The following PHGDH variants were observed in gnomAD, a reference collection of about 807,000 sequenced individuals.
PHGDH encodes the protein phosphoglycerate dehydrogenase.
PHGDH carries 50 observed loss-of-function variants against 52.6 expected under a neutral mutation model. The observed-to-expected ratio is 0.95, with a 90% confidence interval of 0.76 to 1.20. The LOEUF (loss-of-function observed/expected upper bound fraction) is 1.20. Ranked by LOEUF, PHGDH falls within the 50% of genes most tolerant of loss-of-function variation. The probability of loss-of-function intolerance (pLI) is 0.00; values close to 1 mark genes in which losing one functional copy is unlikely to be tolerated. For synonymous variants in PHGDH, 271 were observed against 280.5 expected, an observed-to-expected ratio of 0.97 and a Z score of 0.34; for missense variants, 630 against 684.6, an observed-to-expected ratio of 0.92 and a Z score of 0.89.
intron 1 of PHGDH, among the ~76,000 whole-genome samples, chr1:119,719,142 T>C (rs1557966448): frequency 6.6e-6 from 1 of 152,124 alleles, no homozygotes; most frequent in Non-Finnish European, 1.5e-5. Context: ...TCAGAATACC[T>C]CCAGGTGCTC....
In PHGDH at chr1:119,723,319, A is replaced by G. The variant is rs764508655; in HGVS notation, c.291-57A>G. ...TGCACTCAAGGCTTTCTCTTGGGGAAGGAGTGGGAATACTGGGTCTGTGCC... is the reference window on the plus strand; with the variant it reads ...TGCACTCAAGGCTTTCTCTTGGGGAGGGAGTGGGAATACTGGGTCTGTGCC... On this transcript the variant is annotated intron_variant, in intron 2 of 11. Coordinates refer to ENST00000641023, the MANE Select transcript of PHGDH (RefSeq NM_006623.4). 6.1e-6 allele frequency: 8 copies of G among 1,315,702 alleles called. No homozygotes were observed. In the South Asian group the frequency reaches 7.0e-5, roughly 12 times the overall value. 81.5% of individuals were successfully genotyped at this position (1,315,702 alleles called of 1,614,324 possible).
At chr1:119,720,640 C>G in intron 1 of PHGDH, 1 of 186,486 alleles carries the variant, frequency 5.4e-6, no homozygotes, top group South Asian at 1.1e-4. Context: ...AGGCAGGGGC[C>G]TTGGATTTGA....
intron 3 of PHGDH, 126 bp from the exon 4 acceptor site, chr1:119,726,725 C>G (rs1396848684): frequency 1.3e-5 from 10 of 777,646 alleles, no homozygotes; most frequent in Non-Finnish European, 2.3e-5. Flanking sequence ...TAAACCTGAA[C>G]CCCCAGACCC....
intron 8 of PHGDH, chr1:119,739,341 G>C (rs184452537): frequency 6.6e-6 from 1 of 152,266 alleles, no homozygotes; most frequent in Non-Finnish European, 1.5e-5. Context: ...GTGGCAGCAT[G>C]GTGCTCCAGA....
intron 1 of PHGDH, 67 bp from the exon 2 acceptor site, chr1:119,721,103 A>G (rs1457760123): frequency 3.4e-6 from 5 of 1,450,162 alleles, no homozygotes; most frequent in Non-Finnish European, 4.9e-6. Context: ...GTAAGCAATG[A>G]TGTGCCTGCG....
chr1:119,733,838 G>A (rs1439218152), intron 5 of PHGDH, among the ~76,000 whole-genome samples: 3 of 152,084 alleles, frequency 2.0e-5, no homozygotes, highest in Non-Finnish European at 4.4e-5. Flanking sequence ...ATTCTGTCTC[G>A]GGGTTAAGGG....
At chr1:119,727,217 G>A in intron 5 of PHGDH, 115 bp downstream of exon 5, 1 of 730,018 alleles carries the variant, frequency 1.4e-6, no homozygotes, top group Non-Finnish European at 2.5e-6. Context: ...CCCTCTCTTG[G>A]AGCCCCCATC....
At chr1:119,720,806 A>G (rs1371610238) in intron 1 of PHGDH, 3 of 358,728 alleles carry the variant, frequency 8.4e-6, no homozygotes, top group Non-Finnish European at 1.6e-5. Flanking sequence ...GGAACAGGAG[A>G]TGGCCCCTGA....
chr1:119,734,980 C>T lies in PHGDH; in HGVS notation c.643+214C>T, dbSNP rs986587113. The T allele has an allele frequency of 7.9e-6, 5 of 634,358 alleles. No individual in the cohort carries two copies. In the Admixed American group the frequency reaches 1.1e-4, roughly 13 times the overall value. 39.3% of individuals were successfully genotyped at this position (634,358 alleles called of 1,614,324 possible). On this transcript the variant is annotated intron_variant, in intron 6 of 11. Transcript: ENST00000641023. ...GCTTGGGGTCTAGGTAAGCTGGGCA[C>T]AGGGACAACCAGTGACCCCCATGGA...
In PHGDH at chr1:119,742,811, C is replaced by G. The variant is rs745578178; in HGVS notation, c.1214C>G (p.Thr405Ser). The G allele has an allele frequency of 6.2e-7, 1 of 1,601,908 alleles. No individual in the cohort carries two copies. The change falls in exon 11 of 12, where the codon ACC becomes AGC. Residue 405 changes from threonine (T) to serine (S), a missense_variant. Transcript: ENST00000641023. Reference sequence around the variant, plus strand: ...CACCTTGCCTTCTCCACACAGGTCACCACCTCCCACAGCCCTGCTGCACCA... The same window carrying G: ...CACCTTGCCTTCTCCACACAGGTCAGCACCTCCCACAGCCCTGCTGCACCA... ...LLVKEAGLNV[T>S]TSHSPAAPGE... is the part of the protein sequence containing the mutation.
At chr1:119,734,884 G>C (rs1340786040) in intron 6 of PHGDH, 118 bp downstream of exon 6, 1 of 1,132,948 alleles carries the variant, frequency 8.8e-7, no homozygotes. Flanking sequence ...AGGTCCACCT[G>C]GGTCCTGCAG....
chr1:119,726,185 T>A (rs1410557645), intron 3 of PHGDH, among the ~76,000 whole-genome samples: 2 of 125,546 alleles, frequency 1.6e-5, no homozygotes, highest in Admixed American at 1.5e-4. Flanking sequence ...GAAGAGTGTG[T>A]GTGTGTGTGT....
chr1:119,719,701 A>G (rs1256707647), intron 1 of PHGDH: 3 of 152,152 alleles, frequency 2.0e-5, no homozygotes, highest in Non-Finnish European at 2.9e-5. Context: ...CTCTCCTTAC[A>G]TTTACTTTGT....
Position 119,716,120 on chromosome 1 carries a change from G to C in PHGDH, c.138+3960G>C, listed in dbSNP as rs1476743144. Among the ~76,000 whole-genome samples, 3 of 152,122 alleles carry C rather than the reference G, an allele frequency of 2.0e-5. No homozygotes were observed. The East Asian group carries it at 5.8e-4, about 29-fold the overall frequency. ...TATGTGCTGATTGAATGAGTGGATA[G>C]AGTGGGTAGTTGAGGTTGTAAGAGG... On this transcript the variant is annotated intron_variant, in intron 1 of 11. Transcript: ENST00000641023.
At chr1:119,742,473 C>T in intron 10 of PHGDH, 1 of 493,964 alleles carries the variant, frequency 2.0e-6, no homozygotes, top group Non-Finnish European at 3.7e-6. Flanking sequence ...TGATGCCGTG[C>T]AGGAGGCTGT....
At position 119,740,427 on chromosome 1, in the gene PHGDH, C is replaced by T. The variant is rs1217356997; in HGVS notation, c.987C>T (p.Thr329=). The change falls in exon 9 of 12, where the codon ACC becomes ACT. Residue 329 remains threonine, a synonymous_variant. Transcript: ENST00000641023. ...TTACCAGTGCCTTCTCTCCACACAC[C>T]AAGCCTTGGATTGGTCTGGCAGAAG... ...QALTSAFSPH[T]KPWIGLAEAL... is the part of the protein sequence containing the mutation. 5 of 1,613,796 alleles carry T rather than the reference C, an allele frequency of 3.1e-6. No homozygotes were observed. The highest frequency in any genetic ancestry group is 1.3e-5 in the African/African-American group (1 of 75,040).
At position 119,737,129 on chromosome 1, in the gene PHGDH, C is replaced by T. The variant is rs765756881; in HGVS notation, c.808C>T (p.Arg270Trp). The change falls in exon 8 of 12, where the codon CGG becomes TGG. Residue 270 changes from arginine (R) to tryptophan (W), a missense_variant. Coordinates refer to ENST00000641023, the MANE Select transcript of PHGDH (RefSeq NM_006623.4). ...DVFTEEPPRD[R>W]ALVDHENVIS... is the part of the protein sequence containing the mutation. ...TTCTGGGCAGGAGCCGCCACGGGAC[C>T]GGGCCTTGGTGGACCATGAGAATGT... 33 of 1,614,024 alleles carry T rather than the reference C, an allele frequency of 2.0e-5. No homozygotes were observed. In the East Asian group the frequency reaches 3.6e-4, roughly 17 times the overall value.
intron 11 of PHGDH, 32 bp downstream of exon 11, chr1:119,743,076 C>A (rs1426717199): frequency 1.4e-6 from 2 of 1,415,180 alleles, no homozygotes; most frequent in African/African-American, 1.4e-5. Flanking sequence ...TGGCTGGTGT[C>A]CTTGAGGCTG....
intron 3 of PHGDH, chr1:119,724,588 T>C (rs1010251318): frequency 8.2e-6 from 3 of 367,784 alleles, no homozygotes; most frequent in Non-Finnish European, 1.6e-5. Flanking sequence ...ACATCTAGGC[T>C]GAGTGTCTCT....
Sources: allele counts gnomAD v4.1 joint callset (sites outside exome capture counted in the v4.1 genomes callset), GRCh38; gene constraint gnomAD v4.1.1; transcripts MANE v1.5; gene names NCBI Gene and HGNC (gene_info 2026-07-23, HGNC 2026-07-21).